Variants in PTPRT observed in about 807,000 individuals in gnomAD.
PTPRT encodes protein tyrosine phosphatase receptor type T.
In PTPRT, 56 loss-of-function variants were observed where a neutral mutation model predicts 176.8. That is an observed-to-expected ratio of 0.32 (90% CI 0.26 to 0.40). The LOEUF (loss-of-function observed/expected upper bound fraction) is 0.40. PTPRT is among the 10% of genes least tolerant of loss of function. The probability of loss-of-function intolerance (pLI) is 1.00; values close to 1 mark genes in which losing one functional copy is unlikely to be tolerated. For missense variants in PTPRT, 1,540 were observed against 1,908.2 expected, an observed-to-expected ratio of 0.81 and a Z score of 3.60; for synonymous variants, 783 against 739.0, an observed-to-expected ratio of 1.06 and a Z score of -0.96.
intron 16 of PTPRT, among the ~76,000 whole-genome samples, chr20:42,182,907 G>GGTGT (rs10608197): frequency 0.28 from 39,712 of 144,302 alleles, 5,616 homozygotes; most frequent in East Asian, 0.46. Context: ...TACAAGCAGG[G>GGTGT]GTGTGTGTGT....
In PTPRT at chr20:42,594,778, C is replaced by T. The variant is rs146598101; in HGVS notation, c.1153+83088G>A. Among the ~76,000 whole-genome samples the T allele has an allele frequency of 3.8e-3, 584 of 152,244 alleles. 3 individuals are homozygous for T. Among genetic ancestry groups the T allele is most frequent in the Middle Eastern group, 0.037 (11 of 294 alleles). On this transcript the variant is annotated intron_variant, in intron 7 of 30. Coordinates refer to ENST00000373187, the MANE Select transcript of PTPRT (RefSeq NM_007050.6). ...TATCCACTCCCAGATTTTCAAAAAT[C>T]CAGCTTTCTGTCTCCTCCTGCAGCT...
chr20:42,403,605 A>G (rs2058931918), intron 9 of PTPRT, among the ~76,000 whole-genome samples: 2 of 152,290 alleles, frequency 1.3e-5, no homozygotes, highest in African/African-American at 4.8e-5. Context: ...TCAGTCTTCA[A>G]TTGCTCCCTT....
At chr20:42,183,505 A>G (rs1344992987) in intron 16 of PTPRT, among the ~76,000 whole-genome samples, 1 of 152,334 alleles carries the variant, frequency 6.6e-6, no homozygotes, top group East Asian at 1.9e-4. Context: ...ATGTGCAGAG[A>G]CCACAAAACT....
At chr20:42,828,227 G>A (rs896365044) in intron 2 of PTPRT, among the ~76,000 whole-genome samples, 2 of 152,222 alleles carry the variant, frequency 1.3e-5, no homozygotes, top group East Asian at 3.8e-4. Context: ...TGGAGCAAAC[G>A]TGACTTTTGT....
intron 10 of PTPRT, among the ~76,000 whole-genome samples, chr20:42,350,999 T>A (rs1600873585): frequency 6.6e-6 from 1 of 152,238 alleles, no homozygotes; most frequent in East Asian, 1.9e-4. Context: ...CCACACCTAA[T>A]AAACAGATAT....
intron 1 of PTPRT, among the ~76,000 whole-genome samples, chr20:43,159,248 C>T (rs1372124394): frequency 6.6e-6 from 1 of 152,192 alleles, no homozygotes; most frequent in Admixed American, 6.5e-5. Flanking sequence ...CCAACTCCCA[C>T]CAACCATGCC....
chr20:42,145,963 A>C (rs951816034), intron 17 of PTPRT, among the ~76,000 whole-genome samples: 7 of 152,178 alleles, frequency 4.6e-5, no homozygotes, highest in Admixed American at 1.3e-4. Flanking sequence ...TGTGGGGCTT[A>C]TCTCTCACTT....
intron 1 of PTPRT, among the ~76,000 whole-genome samples, chr20:43,179,631 A>C (rs940629998): frequency 6.6e-6 from 1 of 152,212 alleles, no homozygotes; most frequent in African/African-American, 2.4e-5. Flanking sequence ...TGACATGCCT[A>C]ATTAACTTCT....
intron 2 of PTPRT, among the ~76,000 whole-genome samples, chr20:42,814,536 G>T (rs1003936480): frequency 2.6e-5 from 4 of 152,186 alleles, no homozygotes; most frequent in African/African-American, 9.7e-5. Flanking sequence ...TTACTCTGCA[G>T]TAATGAACTT....
chr20:42,653,274 T>C (rs999999446), intron 7 of PTPRT, among the ~76,000 whole-genome samples: 1 of 152,190 alleles, frequency 6.6e-6, no homozygotes, highest in African/African-American at 2.4e-5. Flanking sequence ...TCCATGCTTG[T>C]AAGTTTCCTG....
chr20:42,247,611 G>A (rs917516339), intron 14 of PTPRT, among the ~76,000 whole-genome samples: 6 of 152,198 alleles, frequency 3.9e-5, no homozygotes, highest in Non-Finnish European at 5.9e-5. Context: ...TTCAGGCTGA[G>A]GTGTTGGTTT....
At chr20:42,588,150 T>C (rs1401683956) in intron 7 of PTPRT, among the ~76,000 whole-genome samples, 3 of 152,094 alleles carry the variant, frequency 2.0e-5, no homozygotes. Flanking sequence ...ACAATTGAAA[T>C]GTGGCTGGTA....
intron 1 of PTPRT, among the ~76,000 whole-genome samples, chr20:43,101,569 A>C (rs2012392645): frequency 6.6e-6 from 1 of 152,202 alleles, no homozygotes; most frequent in Admixed American, 6.5e-5. Flanking sequence ...TCAATACAGC[A>C]TAACTAGCAT....
At chr20:42,532,030 C>A (rs1568955363) in intron 7 of PTPRT, among the ~76,000 whole-genome samples, 1 of 152,058 alleles carries the variant, frequency 6.6e-6, no homozygotes. Context: ...AGTCAGTGGC[C>A]GTAACTTGGG....
At chr20:42,665,764 T>C (rs1402389793) in intron 7 of PTPRT, among the ~76,000 whole-genome samples, 1 of 151,944 alleles carries the variant, frequency 6.6e-6, no homozygotes, top group Admixed American at 6.5e-5. Flanking sequence ...TATGCAGCCA[T>C]AAAAAATGAT....
Position 42,771,211 on chromosome 20 carries a change from C to A in PTPRT, c.684+224G>T, listed in dbSNP as rs189013647. 3.4e-3 allele frequency among the ~76,000 whole-genome samples: 515 copies of A among 152,274 alleles called. 7 individuals carry two copies. Among genetic ancestry groups the A allele is most frequent in the Middle Eastern group, 0.014 (4 of 294 alleles). On this transcript the variant is annotated intron_variant, in intron 5 of 30. Transcript: ENST00000373187. The stretch of plus-strand genomic sequence containing the variant: ...CCCCAGGAAACTCCTCACTTACCAG[C>A]GACTGACCACACCACCCACCCCATC...
At chr20:42,789,085 T>C (rs886230361) in intron 3 of PTPRT, among the ~76,000 whole-genome samples, 9 of 152,240 alleles carry the variant, frequency 5.9e-5, no homozygotes, top group African/African-American at 2.2e-4. Flanking sequence ...TCTTCAGCTA[T>C]ACATTTTATG....
chr20:42,588,663 C>T (rs1002812386), intron 7 of PTPRT, among the ~76,000 whole-genome samples: 1 of 152,038 alleles, frequency 6.6e-6, no homozygotes, highest in South Asian at 2.1e-4. Context: ...GAATTAATTG[C>T]ACCTGGTTCC....
At chr20:42,429,206 T>C (rs551059704) in intron 9 of PTPRT, among the ~76,000 whole-genome samples, 1 of 152,124 alleles carries the variant, frequency 6.6e-6, no homozygotes, top group Non-Finnish European at 1.5e-5. Context: ...AAATGCATGA[T>C]GATAAGCACT....
Sources: gnomAD v4.1 joint callset for allele counts (sites outside exome capture counted in the v4.1 genomes callset) on GRCh38, gnomAD v4.1.1 for gene constraint, MANE v1.5 for transcripts, NCBI Gene and HGNC (gene_info 2026-07-23, HGNC 2026-07-21) for gene names.